The following NOX4 variants were observed in gnomAD, a reference collection of about 807,000 sequenced individuals.
NOX4 encodes kidney oxidase-1.
Under a neutral mutation model 87.6 loss-of-function variants are expected in NOX4, and 69 were observed. The ratio of observed to expected loss-of-function variants is 0.79; its 90% confidence interval spans 0.65 to 0.96. NOX4 has a LOEUF of 0.96. NOX4 is among the 40% of genes least tolerant of loss of function. The pLI, the probability that NOX4 is intolerant of heterozygous loss-of-function variation, is 0.00. For synonymous variants in NOX4, 275 were observed against 238.2 expected, an observed-to-expected ratio of 1.15 and a Z score of -1.42; for missense variants, 680 against 681.5, an observed-to-expected ratio of 1.00 and a Z score of 0.02.
chr11:89,393,468 G>C (rs1045702203), intron 11 of NOX4, among the ~76,000 whole-genome samples: 1 of 151,842 alleles, frequency 6.6e-6, no homozygotes, highest in South Asian at 2.1e-4. Flanking sequence ...TCACCCACAC[G>C]ACAGATTTTC....
intron 11 of NOX4, among the ~76,000 whole-genome samples, chr11:89,378,886 A>C (rs1940061940): frequency 6.6e-6 from 1 of 152,230 alleles, no homozygotes; most frequent in African/African-American, 2.4e-5. Context: ...TCCCACAATT[A>C]ATGCAACATC....
At chr11:89,466,682 G>C (rs1394621525) in intron 2 of NOX4, among the ~76,000 whole-genome samples, 1 of 152,116 alleles carries the variant, frequency 6.6e-6, no homozygotes, top group Non-Finnish European at 1.5e-5. Context: ...TTTTAGTAGA[G>C]GAAATACATT....
At chr11:89,412,740 T>TG (rs1942546041) in intron 8 of NOX4, among the ~76,000 whole-genome samples, 1 of 152,038 alleles carries the variant, frequency 6.6e-6, no homozygotes, top group Non-Finnish European at 1.5e-5. Context: ...AAGAAAACAC[T>TG]GGGGAAACTC....
At chr11:89,409,790 T>C (rs1225480573) in intron 8 of NOX4, among the ~76,000 whole-genome samples, 1 of 152,182 alleles carries the variant, frequency 6.6e-6, no homozygotes, top group Non-Finnish European at 1.5e-5. Context: ...TTGTATTTAT[T>C]AACATATTGA....
upstream of NOX4, among the ~76,000 whole-genome samples, chr11:89,495,297 T>C (rs912673111): frequency 1.3e-5 from 2 of 152,082 alleles, no homozygotes; most frequent in Admixed American, 6.6e-5. Context: ...TCTGATGTGC[T>C]AAAGAGAATC....
upstream of NOX4, among the ~76,000 whole-genome samples, chr11:89,493,721 T>TTTTTTTTTATTA (rs372046431): frequency 4.9e-5 from 7 of 142,302 alleles, no homozygotes; most frequent in Non-Finnish European, 7.6e-5. Context: ...GCCAGATTGT[T>TTTTTTTTTATTA]TTATTATTAT....
At chr11:89,509,914 C>T in the NOX4 span, among the ~76,000 whole-genome samples, 1 of 151,976 alleles carries the variant, frequency 6.6e-6, no homozygotes, top group Non-Finnish European at 1.5e-5. Flanking sequence ...ATGCCAGGCA[C>T]TGCTAGGTAT....
intron 8 of NOX4, among the ~76,000 whole-genome samples, chr11:89,408,323 G>A (rs1195513677): frequency 1.3e-5 from 2 of 152,126 alleles, no homozygotes; most frequent in Non-Finnish European, 2.9e-5. Context: ...GAGTCATCTG[G>A]TTTTAACAGA....
intron 2 of NOX4, among the ~76,000 whole-genome samples, chr11:89,463,482 C>G (rs1945557755): frequency 6.6e-6 from 1 of 151,974 alleles, no homozygotes; most frequent in Non-Finnish European, 1.5e-5. Context: ...CACAAAACAA[C>G]TCTATTTTAA....
At chr11:89,470,899 T>C (rs1376701112) in intron 2 of NOX4, among the ~76,000 whole-genome samples, 3 of 152,126 alleles carry the variant, frequency 2.0e-5, no homozygotes, top group African/African-American at 4.8e-5. Flanking sequence ...ACACTACAGA[T>C]CCACAGCTCA....
intron 7 of NOX4, among the ~76,000 whole-genome samples, chr11:89,430,339 G>A (rs918284350): frequency 1.3e-5 from 2 of 152,118 alleles, no homozygotes; most frequent in South Asian, 4.1e-4. Flanking sequence ...ACATAGTGTT[G>A]GAAGTTCTGG....
At chr11:89,567,497 C>T in the NOX4 span, among the ~76,000 whole-genome samples, 1 of 152,216 alleles carries the variant, frequency 6.6e-6, no homozygotes, top group Non-Finnish European at 1.5e-5. Context: ...AGTTGACTCA[C>T]AGTTTTGAAT....
intron 11 of NOX4, among the ~76,000 whole-genome samples, chr11:89,394,696 C>G (rs1415696540): frequency 6.6e-6 from 1 of 152,024 alleles, no homozygotes; most frequent in Non-Finnish European, 1.5e-5. Flanking sequence ...TGTTCCCCGC[C>G]CTGTGTACAA....
At chr11:89,460,847 A>G (rs990300648) in intron 2 of NOX4, among the ~76,000 whole-genome samples, 1 of 152,206 alleles carries the variant, frequency 6.6e-6, no homozygotes, top group Non-Finnish European at 1.5e-5. Flanking sequence ...TGCTGTAAAG[A>G]CACATGCACA....
intron 12 of NOX4, among the ~76,000 whole-genome samples, chr11:89,358,734 A>T (rs1228722804): frequency 6.6e-6 from 1 of 151,700 alleles, no homozygotes; most frequent in African/African-American, 2.4e-5. Context: ...AAAAGGCCAA[A>T]ATAATTTGAT....
intron 2 of NOX4, among the ~76,000 whole-genome samples, chr11:89,460,978 A>C (rs1379339510): frequency 6.6e-6 from 1 of 152,256 alleles, no homozygotes; most frequent in Non-Finnish European, 1.5e-5. Context: ...CTATGCAGCC[A>C]TAAAAGATGA....
chr11:89,373,304 A>C (rs1939593997), intron 12 of NOX4, 128 bp downstream of exon 12: 1 of 512,586 alleles, frequency 2.0e-6, no homozygotes, highest in Non-Finnish European at 3.5e-6. Context: ...AAAAACAAAA[A>C]AAAACCCAGA....
chr11:89,350,365 C>T (rs1946404062), intron 13 of NOX4, among the ~76,000 whole-genome samples: 2 of 152,242 alleles, frequency 1.3e-5, no homozygotes, highest in Middle Eastern at 3.4e-3. Context: ...ATATAAAGGA[C>T]ATACATTTCC....
At chr11:89,518,940 T>C in the NOX4 span, among the ~76,000 whole-genome samples, 36 of 152,102 alleles carry the variant, frequency 2.4e-4, no homozygotes, top group Admixed American at 1.2e-3. Context: ...AGAGTTAATG[T>C]AAAAAATTAG....
Sources: allele counts gnomAD v4.1 joint callset (sites outside exome capture counted in the v4.1 genomes callset), GRCh38; gene constraint gnomAD v4.1.1; transcripts MANE v1.5; gene names NCBI Gene and HGNC (gene_info 2026-07-23, HGNC 2026-07-21).